DGKI: variants seen among roughly 807,000 people sequenced by gnomAD.
The protein encoded by DGKI is DAG kinase iota.
DGKI carries 55 observed loss-of-function variants against 147.5 expected under a neutral mutation model. The observed-to-expected ratio is 0.37, with a 90% CI of 0.30 to 0.47. The LOEUF is 0.47. DGKI is among the 20% of genes least tolerant of loss of function. The probability of loss-of-function intolerance (pLI) is 1.00; values close to 1 mark genes in which losing one functional copy is unlikely to be tolerated. For missense variants in DGKI, 1,007 were observed against 1,323.8 expected (o/e 0.76, Z 3.71); for synonymous variants, 469 against 477.1 (o/e 0.98, Z 0.22).
At chr7:137,648,381 C>A (rs1821906590) in intron 5 of DGKI, among the ~76,000 whole-genome samples, 1 of 152,176 alleles carries the variant, frequency 6.6e-6, no homozygotes, top group African/African-American at 2.4e-5. Flanking sequence ...CCAACACTGT[C>A]CATAAATCAA....
chr7:137,499,153 G>A (rs1336721633), intron 21 of DGKI, among the ~76,000 whole-genome samples: 3 of 152,130 alleles, frequency 2.0e-5, no homozygotes, highest in African/African-American at 4.8e-5. Flanking sequence ...CTGGTTTAGG[G>A]ATGCATACGT....
chr7:137,642,760 TTTA>T (rs1821675728), intron 6 of DGKI, among the ~76,000 whole-genome samples: 2 of 152,046 alleles, frequency 1.3e-5, no homozygotes, highest in African/African-American at 4.8e-5. Flanking sequence ...CAAACATCAT[TTTA>T]TTGTTTATTT....
At chr7:137,397,519 G>T in intron 30 of DGKI, 106 bp from the exon 31 acceptor site, 3 of 1,072,972 alleles carry the variant, frequency 2.8e-6, no homozygotes, top group South Asian at 1.4e-5. Flanking sequence ...AGCTAAATTT[G>T]GGGATAGGAA....
At chr7:137,638,500 A>T (rs28542970) in intron 6 of DGKI, among the ~76,000 whole-genome samples, 3 of 119,356 alleles carry the variant, frequency 2.5e-5, no homozygotes, top group African/African-American at 1.1e-4. Context: ...ACACATATAT[A>T]TGTATATATA....
chr7:137,540,524 C>T (rs1817652064), intron 20 of DGKI, among the ~76,000 whole-genome samples: 1 of 151,754 alleles, frequency 6.6e-6, no homozygotes, highest in African/African-American at 2.4e-5. Context: ...AAACTCCACA[C>T]TACTTCAAAA....
At chr7:137,588,475 CTTT>C (rs71533759) in intron 12 of DGKI, among the ~76,000 whole-genome samples, 6 of 116,708 alleles carry the variant, frequency 5.1e-5, no homozygotes, top group African/African-American at 1.1e-4. Context: ...CATACCGATG[CTTT>C]TTTTTTTTTT....
At chr7:137,517,647 GC>G (rs1197097846) in intron 21 of DGKI, among the ~76,000 whole-genome samples, 1 of 152,122 alleles carries the variant, frequency 6.6e-6, no homozygotes, top group Non-Finnish European at 1.5e-5. Context: ...GCACAGGAAT[GC>G]CCTGTATTAC....
intron 1 of DGKI, among the ~76,000 whole-genome samples, chr7:137,773,665 G>A (rs1796278894): frequency 6.6e-6 from 1 of 152,022 alleles, no homozygotes; most frequent in African/African-American, 2.4e-5. Context: ...TAAAGTGAAG[G>A]AGAATCCAAG....
intron 1 of DGKI, among the ~76,000 whole-genome samples, chr7:137,789,043 A>T (rs537383163): frequency 4.7e-4 from 72 of 152,224 alleles, no homozygotes; most frequent in Non-Finnish European, 8.8e-4. Context: ...ATAATTTAAA[A>T]GGAGAAACAA....
At chr7:137,777,091 G>T (rs1412188809) in intron 1 of DGKI, among the ~76,000 whole-genome samples, 1 of 152,030 alleles carries the variant, frequency 6.6e-6, no homozygotes, top group African/African-American at 2.4e-5. Flanking sequence ...TAACCAGGAG[G>T]CTAGAGCAGA....
chr7:137,620,205 C>T (rs1820698335), intron 7 of DGKI, among the ~76,000 whole-genome samples: 1 of 152,106 alleles, frequency 6.6e-6, no homozygotes, highest in African/African-American at 2.4e-5. Flanking sequence ...AAACTTATAA[C>T]ATTGATAACA....
intron 3 of DGKI, among the ~76,000 whole-genome samples, chr7:137,659,790 A>G (rs1253553045): frequency 2.0e-5 from 3 of 152,132 alleles, no homozygotes; most frequent in South Asian, 2.1e-4. Flanking sequence ...AAAATTAGCC[A>G]GGCATGGTGG....
At chr7:137,579,593 A>G (rs1819117890) in intron 15 of DGKI, among the ~76,000 whole-genome samples, 1 of 152,092 alleles carries the variant, frequency 6.6e-6, no homozygotes, top group Non-Finnish European at 1.5e-5. Flanking sequence ...TGGTTCCAAT[A>G]TCTTATAGTT....
At chr7:137,805,009 C>T (rs1414803802) in intron 1 of DGKI, among the ~76,000 whole-genome samples, 2 of 152,144 alleles carry the variant, frequency 1.3e-5, no homozygotes, top group Non-Finnish European at 2.9e-5. Context: ...AGCAGCTGGG[C>T]TGCTTATTAC....
chr7:137,443,762 T>C (rs1813602128), intron 28 of DGKI, among the ~76,000 whole-genome samples: 1 of 152,084 alleles, frequency 6.6e-6, no homozygotes, highest in African/African-American at 2.4e-5. Context: ...AAAATCTGAG[T>C]CATAAAAAGC....
Position 137,515,777 on chromosome 7 carries a change from G to A in DGKI, c.2248+6089C>T, listed in dbSNP as rs114153316. On this transcript the variant is annotated intron_variant, in intron 21 of 32. Coordinates refer to ENST00000614521, the MANE Select transcript of DGKI (RefSeq NM_001321708.2). The stretch of plus-strand genomic sequence containing the variant: ...GGGTGAGTTAAATTACACAATATAT[G>A]TAAAAAAGGCATTTCCTAGCTCACA... Among the ~76,000 whole-genome samples the A allele has an allele frequency of 9.9e-3, 1,506 of 152,040 alleles. 23 individuals are homozygous for A. The highest frequency in any genetic ancestry group is 0.034 in the African/African-American group (1,404 of 41,508).
intron 7 of DGKI, among the ~76,000 whole-genome samples, chr7:137,622,912 C>T (rs902189705): frequency 5.3e-5 from 8 of 152,146 alleles, no homozygotes; most frequent in African/African-American, 1.7e-4. Flanking sequence ...TATATATGTT[C>T]AAATGTAAGA....
At chr7:137,845,705 G>C (rs1366191228) in intron 1 of DGKI, among the ~76,000 whole-genome samples, 1 of 152,104 alleles carries the variant, frequency 6.6e-6, no homozygotes, top group African/African-American at 2.4e-5. Context: ...AAAGGCCATT[G>C]ATCCCACACT....
intron 6 of DGKI, among the ~76,000 whole-genome samples, chr7:137,637,063 A>G (rs1437616466): frequency 1.3e-5 from 2 of 152,330 alleles, no homozygotes; most frequent in Non-Finnish European, 2.9e-5. Flanking sequence ...GGCCAAGGAC[A>G]GCCCTCGCCC....
Sources: gnomAD v4.1 joint callset for allele counts (sites outside exome capture counted in the v4.1 genomes callset) on GRCh38, gnomAD v4.1.1 for gene constraint, MANE v1.5 for transcripts, NCBI Gene and HGNC (gene_info 2026-07-23, HGNC 2026-07-21) for gene names.